NUBPL: variants seen among roughly 807,000 people sequenced by gnomAD.
NUBPL encodes NUBP iron-sulfur cluster assembly factor, mitochondrial, also known as iron-sulfur cluster transfer protein NUBPL.
In NUBPL, 31 loss-of-function variants were observed where a neutral mutation model predicts 45.7. The observed-to-expected ratio is 0.68, with a 90% CI of 0.51 to 0.92. The LOEUF is 0.92. Among genes scored for constraint, NUBPL ranks in the 40% least tolerant of loss-of-function variants. The pLI, the probability that NUBPL is intolerant of heterozygous loss-of-function variation, is 0.00. For synonymous variants in NUBPL, 144 were observed against 140.9 expected (o/e 1.02, Z -0.15); for missense variants, 401 against 398.7 (o/e 1.01, Z -0.05).
At chr14:31,674,641 A>G (rs2036649909) in intron 6 of NUBPL, among the ~76,000 whole-genome samples, 2 of 152,196 alleles carry the variant, frequency 1.3e-5, no homozygotes, top group Non-Finnish European at 2.9e-5. Context: ...TCTAAATACT[A>G]TCAGAGAATA....
chr14:31,731,886 G>A (rs1196520118), intron 6 of NUBPL, among the ~76,000 whole-genome samples: 3 of 152,032 alleles, frequency 2.0e-5, no homozygotes, highest in Admixed American at 6.6e-5. Context: ...TAGCTCTCTA[G>A]ATTTCTAGTT....
intron 3 of NUBPL, among the ~76,000 whole-genome samples, chr14:31,597,893 G>A (rs190729499): frequency 1.5e-3 from 229 of 152,104 alleles, no homozygotes; most frequent in Non-Finnish European, 2.4e-3. Context: ...TGAAAATCTT[G>A]TTATCCATAG....
intron 4 of NUBPL, among the ~76,000 whole-genome samples, chr14:31,650,991 C>T (rs1420702582): frequency 1.3e-5 from 2 of 152,214 alleles, no homozygotes; most frequent in East Asian, 3.8e-4. Flanking sequence ...ATGAGGATAG[C>T]ACCAAGCCAT....
At chr14:31,842,748 C>A (rs975775477) in intron 8 of NUBPL, among the ~76,000 whole-genome samples, 11 of 152,144 alleles carry the variant, frequency 7.2e-5, no homozygotes, top group Non-Finnish European at 1.5e-4. Flanking sequence ...TACCTCCAGA[C>A]TTTCAGTTAT....
intron 3 of NUBPL, among the ~76,000 whole-genome samples, chr14:31,566,806 A>G (rs1229346022): frequency 6.6e-6 from 1 of 152,176 alleles, no homozygotes; most frequent in Non-Finnish European, 1.5e-5. Context: ...TGATAAGAGA[A>G]GGATTCAATC....
intron 6 of NUBPL, among the ~76,000 whole-genome samples, chr14:31,724,767 T>C (rs1595546641): frequency 6.6e-6 from 1 of 152,166 alleles, no homozygotes; most frequent in South Asian, 2.1e-4. Flanking sequence ...ATTTTGGTGG[T>C]AGAGACAGAA....
intron 4 of NUBPL, among the ~76,000 whole-genome samples, chr14:31,666,254 T>TGTATATATATGTAG (rs1566487115): frequency 1.9e-5 from 1 of 52,496 alleles, no homozygotes; most frequent in African/African-American, 5.4e-5. Context: ...TATATATATA[T>TGTATATATATGTAG]ATATATATAA....
intron 6 of NUBPL, among the ~76,000 whole-genome samples, chr14:31,696,046 G>A (rs2037207513): frequency 6.6e-6 from 1 of 152,168 alleles, no homozygotes; most frequent in African/African-American, 2.4e-5. Flanking sequence ...AATAAGGAGG[G>A]GAGTTACTGT....
At chr14:31,589,482 G>T (rs1472390788) in intron 3 of NUBPL, among the ~76,000 whole-genome samples, 1 of 152,074 alleles carries the variant, frequency 6.6e-6, no homozygotes, top group African/African-American at 2.4e-5. Flanking sequence ...TACCTCTATG[G>T]TGTCTTTTAT....
intron 6 of NUBPL, among the ~76,000 whole-genome samples, chr14:31,738,240 G>A (rs140788127): frequency 0.015 from 2,303 of 152,254 alleles, 26 homozygotes; most frequent in Non-Finnish European, 0.025. Flanking sequence ...AATTACTCAG[G>A]AAAGAGAATA....
intron 6 of NUBPL, among the ~76,000 whole-genome samples, chr14:31,725,444 G>C (rs2037899260): frequency 1.3e-5 from 2 of 151,810 alleles, no homozygotes; most frequent in African/African-American, 4.8e-5. Flanking sequence ...GATTTTTTTT[G>C]GATTTTGGAA....
At chr14:31,622,375 G>T (rs540823072) in intron 4 of NUBPL, among the ~76,000 whole-genome samples, 1 of 152,008 alleles carries the variant, frequency 6.6e-6, no homozygotes, top group Non-Finnish European at 1.5e-5. Context: ...CGTTTTTTTG[G>T]GGGGAGAAAT....
intron 6 of NUBPL, among the ~76,000 whole-genome samples, chr14:31,783,684 ATTG>A (rs2039234229): frequency 6.6e-6 from 1 of 151,890 alleles, no homozygotes; most frequent in African/African-American, 2.4e-5. Flanking sequence ...GGCCCAGCTA[ATTG>A]TTGTATTTTT....
chr14:31,602,793 T>C (rs1487853031), intron 4 of NUBPL, among the ~76,000 whole-genome samples: 1 of 152,198 alleles, frequency 6.6e-6, no homozygotes, highest in Non-Finnish European at 1.5e-5. Flanking sequence ...ATAGGAAATA[T>C]ATTTGTGTTC....
At chr14:31,625,698 A>G (rs1170186003) in intron 4 of NUBPL, among the ~76,000 whole-genome samples, 1 of 151,180 alleles carries the variant, frequency 6.6e-6, no homozygotes, top group African/African-American at 2.4e-5. Context: ...CTGGTCTCAA[A>G]CTCCTGACTT....
chr14:31,606,480 C>A (rs116497193), intron 4 of NUBPL, among the ~76,000 whole-genome samples: 9,482 of 152,218 alleles, frequency 0.062, 407 homozygotes, highest in Non-Finnish European at 0.09. Context: ...TTGTTTCCTT[C>A]CAGAGAAGAG....
chr14:31,672,273 A>ATGTGTGTGTGTGTG (rs3035682), intron 4 of NUBPL, among the ~76,000 whole-genome samples: 4 of 148,108 alleles, frequency 2.7e-5, no homozygotes, highest in Non-Finnish European at 4.5e-5. Context: ...CTGATTAGAT[A>ATGTGTGTGTGTGTG]TGTGTGTGTG....
chr14:31,708,839 C>T (rs1372215513), intron 6 of NUBPL, among the ~76,000 whole-genome samples: 1 of 152,170 alleles, frequency 6.6e-6, no homozygotes, highest in Non-Finnish European at 1.5e-5. Flanking sequence ...TTCTCTGGGG[C>T]AGTGCACCTT....
At chr14:31,807,604 TG>T (rs2039715322) in intron 7 of NUBPL, among the ~76,000 whole-genome samples, 1 of 152,198 alleles carries the variant, frequency 6.6e-6, no homozygotes, top group Non-Finnish European at 1.5e-5. Context: ...TTTCTTTTGC[TG>T]TGCAGAAGCT....
Sources: gnomAD v4.1 joint callset for allele counts (sites outside exome capture counted in the v4.1 genomes callset) on GRCh38, gnomAD v4.1.1 for gene constraint, MANE v1.5 for transcripts, NCBI Gene and HGNC (gene_info 2026-07-23, HGNC 2026-07-21) for gene names.